Variants in HYAL4 observed in about 807,000 individuals in gnomAD.
HYAL4 encodes the protein hyaluronidase 4, also known as hyaluronidase-4.
Under a neutral mutation model 35.2 loss-of-function variants are expected in HYAL4, and 37 were observed. The observed-to-expected ratio is 1.05, with a 90% CI of 0.81 to 1.38. The LOEUF (loss-of-function observed/expected upper bound fraction) is 1.38, where lower values mean the gene tolerates loss of function less well. HYAL4 is among the 40% of genes most tolerant of loss of function. The probability of loss-of-function intolerance (pLI) is 0.00; values close to 1 mark genes in which losing one functional copy is unlikely to be tolerated. For missense variants in HYAL4, 572 were observed against 572.4 expected (o/e 1.00, Z 0.01); for synonymous variants, 198 against 203.2 (o/e 0.97, Z 0.22).
chr7:123,852,695 G>C (rs944714264), intron 2 of HYAL4, among the ~76,000 whole-genome samples: 15 of 152,080 alleles, frequency 9.9e-5, no homozygotes, highest in African/African-American at 3.6e-4. Flanking sequence ...TGTTCTTTTT[G>C]CTTAGGATTG....
At chr7:123,857,691 T>TTGTTTG (rs1806483457) in intron 2 of HYAL4, among the ~76,000 whole-genome samples, 1 of 149,252 alleles carries the variant, frequency 6.7e-6, no homozygotes, top group Non-Finnish European at 1.5e-5. Context: ...CTTTCTTTCT[T>TTGTTTG]TCTTTCTTTC....
At chr7:123,838,982 GT>G (rs36011153) in intron 1 of HYAL4, among the ~76,000 whole-genome samples, 20,862 of 149,414 alleles carry the variant, frequency 0.14, 1,501 homozygotes, top group African/African-American at 0.16. Context: ...AGTTTCAATA[GT>G]TTTTTTTTTA....
Position 123,875,910 on chromosome 7 carries a change from A to AG in HYAL4, c.1045-843dup, listed in dbSNP as rs552859431. On this transcript the variant is annotated intron_variant, in intron 4 of 4. Coordinates refer to ENST00000223026, the MANE Select transcript of HYAL4 (RefSeq NM_012269.3). ...TCCATGATGATCTGATATTATTCTC[A>AG]GAATTTCACAGTCTCAATTTGTTGC... 1.4e-3 allele frequency: 584 copies of AG among 404,020 alleles called. 6 individuals carry two copies. Among genetic ancestry groups the AG allele is most frequent in the African/African-American group, 0.011 (551 of 48,118 alleles). 25.0% of individuals were successfully genotyped at this position (404,020 alleles called of 1,614,324 possible).
chr7:123,805,819 T>A, the HYAL4 span, among the ~76,000 whole-genome samples: 3 of 152,024 alleles, frequency 2.0e-5, no homozygotes, highest in African/African-American at 7.2e-5. Context: ...GCTTTTTTGG[T>A]AGAAATGACT....
chr7:123,792,663 C>T, the HYAL4 span, among the ~76,000 whole-genome samples: 1 of 152,080 alleles, frequency 6.6e-6, no homozygotes, highest in Admixed American at 6.6e-5. Flanking sequence ...ATTCTCATGC[C>T]CTGTCTCATC....
chr7:123,815,476 A>G, the HYAL4 span, among the ~76,000 whole-genome samples: 3 of 152,192 alleles, frequency 2.0e-5, no homozygotes, highest in African/African-American at 4.8e-5. Flanking sequence ...TTAATTAGCT[A>G]GGCTAACTAA....
chr7:123,810,281 G>T, the HYAL4 span, among the ~76,000 whole-genome samples: 1 of 151,864 alleles, frequency 6.6e-6, no homozygotes, highest in Non-Finnish European at 1.5e-5. Flanking sequence ...CTTGTGAGGG[G>T]TTTCATGGCA....
At chr7:123,823,723 T>C in the HYAL4 span, among the ~76,000 whole-genome samples, 1 of 87,690 alleles carries the variant, frequency 1.1e-5, no homozygotes, top group East Asian at 2.4e-4. Flanking sequence ...TATACACATA[T>C]ATATTTTATA....
In HYAL4 at chr7:123,866,789, C is replaced by CTT. The variant is rs1009764748; in HGVS notation, c.-51-1415_-51-1414dup. On this transcript the variant is annotated intron_variant, in intron 2 of 4. Transcript: ENST00000223026. ...ACCTACCTATCTTCTCTTTCTCTCT[C>CTT]TTTTTTTTTTTTTTTTTTTTGAGAC... is the stretch of plus-strand genomic sequence containing the variant. Among the ~76,000 whole-genome samples, 1,014 of 134,088 alleles carry CTT rather than the reference C, an allele frequency of 7.6e-3. 12 individuals carry two copies. Among genetic ancestry groups the CTT allele is most frequent in the African/African-American group, 0.016 (561 of 34,908 alleles). 88.0% of individuals were successfully genotyped at this position (134,088 alleles called of 152,430 possible).
the HYAL4 span, among the ~76,000 whole-genome samples, chr7:123,807,260 A>G: frequency 0.13 from 19,650 of 151,938 alleles, 1,344 homozygotes; most frequent in Non-Finnish European, 0.14. Flanking sequence ...TTTAATCAAT[A>G]TTTCTCTTCT....
intron 3 of HYAL4, among the ~76,000 whole-genome samples, chr7:123,871,278 GC>G (rs1806877017): frequency 1.3e-5 from 2 of 150,626 alleles, no homozygotes; most frequent in African/African-American, 4.9e-5. Context: ...TGTGACCTCT[GC>G]CTCCCGGGTT....
chr7:123,825,151 A>C (rs1369896019), upstream of HYAL4, among the ~76,000 whole-genome samples: 1 of 151,864 alleles, frequency 6.6e-6, no homozygotes, highest in African/African-American at 2.4e-5. Context: ...TGATAAATCT[A>C]TATATATAAA....
chr7:123,801,541 T>G, the HYAL4 span, among the ~76,000 whole-genome samples: 1 of 151,500 alleles, frequency 6.6e-6, no homozygotes, highest in Non-Finnish European at 1.5e-5. Context: ...ATCCTAAAGT[T>G]AAATTACAAA....
At chr7:123,854,965 C>T (rs143199252) in intron 2 of HYAL4, among the ~76,000 whole-genome samples, 2,042 of 152,294 alleles carry the variant, frequency 0.013, 46 homozygotes, top group African/African-American at 0.046. Context: ...GATCCCTTTA[C>T]CATTATGTAA....
chr7:123,834,127 G>C (rs1255614617), intron 1 of HYAL4, among the ~76,000 whole-genome samples: 1 of 151,964 alleles, frequency 6.6e-6, no homozygotes, highest in Non-Finnish European at 1.5e-5. Context: ...GAAGAATCAT[G>C]GTGGTATTTT....
chr7:123,764,729 A>T, the HYAL4 span, among the ~76,000 whole-genome samples: 4 of 152,186 alleles, frequency 2.6e-5, no homozygotes, highest in Non-Finnish European at 4.4e-5. Flanking sequence ...ATCATGGCTG[A>T]AACTTCTGTT....
the HYAL4 span, among the ~76,000 whole-genome samples, chr7:123,797,130 C>G: frequency 6.6e-6 from 1 of 152,140 alleles, no homozygotes; most frequent in African/African-American, 2.4e-5. Context: ...GGGGCAAAGT[C>G]AGGTAAAAAG....
intron 1 of HYAL4, among the ~76,000 whole-genome samples, chr7:123,836,256 G>C (rs1041042783): frequency 2.0e-4 from 31 of 152,132 alleles, no homozygotes; most frequent in African/African-American, 7.2e-4. Flanking sequence ...AAATTTGGGA[G>C]CTCCAGTGTT....
the HYAL4 span, among the ~76,000 whole-genome samples, chr7:123,777,701 C>A: frequency 6.6e-6 from 1 of 151,950 alleles, no homozygotes; most frequent in Non-Finnish European, 1.5e-5. Flanking sequence ...TTTTTTATTT[C>A]CATAAAACTG....
Sources: gnomAD v4.1 joint callset for allele counts (sites outside exome capture counted in the v4.1 genomes callset) on GRCh38, gnomAD v4.1.1 for gene constraint, MANE v1.5 for transcripts, NCBI Gene and HGNC (gene_info 2026-07-23, HGNC 2026-07-21) for gene names.